PDE6A: variants seen among roughly 807,000 people sequenced by gnomAD.
PDE6A encodes the protein rod cGMP-specific 3',5'-cyclic phosphodiesterase subunit alpha.
Under a neutral mutation model 106.3 loss-of-function variants are expected in PDE6A, and 84 were observed. The observed-to-expected ratio is 0.79, with a 90% CI of 0.66 to 0.95. The LOEUF is 0.95. PDE6A is among the 40% of genes least tolerant of loss of function. The pLI is 0.00. For missense variants in PDE6A, 1,052 were observed against 1,084.9 expected (o/e 0.97, Z 0.43); for synonymous variants, 394 against 386.6 (o/e 1.02, Z -0.23).
intron 6 of PDE6A, 59 bp downstream of exon 6, chr5:149,914,883 GC>G: frequency 9.0e-7 from 1 of 1,106,640 alleles, no homozygotes; most frequent in Non-Finnish European, 1.4e-6. Context: ...CACCGATAAA[GC>G]CAATTGAGAT....
intron 7 of PDE6A, among the ~76,000 whole-genome samples, chr5:149,905,299 A>G (rs1034936696): frequency 6.6e-6 from 1 of 151,872 alleles, no homozygotes; most frequent in East Asian, 1.9e-4. Context: ...CCCTCTCCCT[A>G]AGTGGCTTCC....
At chr5:149,869,486 C>G (rs1760457247) in intron 17 of PDE6A, among the ~76,000 whole-genome samples, 1 of 152,060 alleles carries the variant, frequency 6.6e-6, no homozygotes, top group African/African-American at 2.4e-5. Flanking sequence ...AGGGAGGGGA[C>G]ACGGACAAAG....
At chr5:149,917,899 G>A (rs1040429290) in intron 5 of PDE6A, among the ~76,000 whole-genome samples, 13 of 152,152 alleles carry the variant, frequency 8.5e-5, no homozygotes, top group Non-Finnish European at 1.2e-4. Flanking sequence ...AATCAGGGCC[G>A]GGTATATAGA....
At chr5:149,897,802 G>A (rs915075624) in intron 10 of PDE6A, among the ~76,000 whole-genome samples, 1 of 151,800 alleles carries the variant, frequency 6.6e-6, no homozygotes. Flanking sequence ...GCCCAGGCTG[G>A]TCTCAAACTC....
intron 4 of PDE6A, among the ~76,000 whole-genome samples, chr5:149,925,683 G>T (rs1443850059): frequency 6.8e-6 from 1 of 147,370 alleles, no homozygotes; most frequent in Non-Finnish European, 1.5e-5. Flanking sequence ...ATCCAGCATG[G>T]GTGACAGAAT....
At chr5:149,922,236 A>G (rs573176995) in intron 4 of PDE6A, among the ~76,000 whole-genome samples, 2 of 152,210 alleles carry the variant, frequency 1.3e-5, no homozygotes, top group African/African-American at 4.8e-5. Flanking sequence ...CAAAAAGAAT[A>G]TATCATGTGA....
At chr5:149,937,558 T>C (rs1159267027) in intron 1 of PDE6A, among the ~76,000 whole-genome samples, 1 of 152,128 alleles carries the variant, frequency 6.6e-6, no homozygotes, top group Non-Finnish European at 1.5e-5. Context: ...TTGTATTTTT[T>C]GTAACACTAG....
chr5:149,877,471 G>A (rs1180546169), intron 17 of PDE6A, among the ~76,000 whole-genome samples: 1 of 152,146 alleles, frequency 6.6e-6, no homozygotes, highest in Admixed American at 6.5e-5. Flanking sequence ...GTGCAGCGGT[G>A]CAATCTTAGC....
At position 149,896,290 on chromosome 5, in the gene PDE6A, T is replaced by C. The variant is rs546137232; in HGVS notation, c.1620+66A>G. On this transcript the variant is annotated intron_variant, in intron 12 of 21. Coordinates refer to ENST00000255266, the MANE Select transcript of PDE6A (RefSeq NM_000440.3). ...TTTAAGGTAGTTTACAGATTGAGTCTTTTTTTTAAAGCAAGCAAGAAAGAA... is the reference window on the plus strand; with the variant it reads ...TTTAAGGTAGTTTACAGATTGAGTCCTTTTTTTAAAGCAAGCAAGAAAGAA... 387 of 1,333,012 alleles carry C rather than the reference T, an allele frequency of 2.9e-4. 1 individual carries two copies. In the Middle Eastern group the frequency reaches 8.3e-3, roughly 29 times the overall value. 82.6% of individuals were successfully genotyped at this position (1,333,012 alleles called of 1,614,324 possible). A position where few individuals can be genotyped will look rare whatever the true frequency, so the allele number is the denominator to read the frequency against.
chr5:149,877,211 G>C lies in PDE6A; in HGVS notation c.2135+6218C>G, dbSNP rs563976586. ...GCCCCCCTATAAAACCCCACCCACT[G>C]GCTGGGAATGGGGGTGGGGTTCAGG... On this transcript the variant is annotated intron_variant, in intron 17 of 21. Transcript: ENST00000255266. Among the ~76,000 whole-genome samples the C allele has an allele frequency of 5.9e-5, 9 of 152,188 alleles. 1 individual carries two copies. The South Asian group carries it at 1.9e-3, about 32-fold the overall frequency.
intron 8 of PDE6A, among the ~76,000 whole-genome samples, chr5:149,901,702 G>A (rs1037925073): frequency 4.6e-5 from 7 of 152,206 alleles, no homozygotes; most frequent in African/African-American, 1.7e-4. Context: ...TTCTGCTGTG[G>A]TTGTGGTCAG....
rs768577997 is a variant in PDE6A, at chr5:149,895,221, C to T, written c.1690G>A (p.Gly564Ser). The T allele has an allele frequency of 4.9e-5, 79 of 1,613,984 alleles. No individual in the cohort carries two copies. Among genetic ancestry groups the T allele is most frequent in the Middle Eastern group, 1.6e-4 (1 of 6,084 alleles). The change falls in exon 13 of 22, where the codon GGC (glycine) becomes AGC (serine). Residue 564 changes from glycine to serine, a missense_variant. By Grantham distance (56) the Gly-to-Ser change is moderately conservative (BLOSUM62 0). Transcript: ENST00000255266. ...AACATGGTCTGCCCCACGTTGAAGC[C>T]GTGCCGCCAGTTGTGGTAGGTGATC... is the stretch of plus-strand genomic sequence containing the variant. Reference protein sequence around the residue: ...RKITYHNWRHGFNVGQTMFSL... With the variant: ...RKITYHNWRHSFNVGQTMFSL...
rs10039808 is a variant in PDE6A at position 149,861,078 on chromosome 5, G to T, written c.2507-107C>A. The T allele has an allele frequency of 1.8e-3, 1,678 of 915,632 alleles. 20 individuals are homozygous for T. In the African/African-American group the frequency reaches 0.025, roughly 14 times the overall value. 56.7% of individuals were successfully genotyped at this position (915,632 alleles called of 1,614,324 possible). ...GTTGCAAACTCAAAGGCTTTCAGTGGCCAACAGATAACAACACATGCAGAA... is the reference window on the plus strand; with the variant it reads ...GTTGCAAACTCAAAGGCTTTCAGTGTCCAACAGATAACAACACATGCAGAA... On this transcript the variant is annotated intron_variant, in intron 21 of 21. Coordinates refer to ENST00000255266, the MANE Select transcript of PDE6A (RefSeq NM_000440.3).
intron 6 of PDE6A, among the ~76,000 whole-genome samples, chr5:149,914,321 T>C (rs1366182764): frequency 6.6e-6 from 1 of 152,192 alleles, no homozygotes; most frequent in African/African-American, 2.4e-5. Flanking sequence ...TAACCAACTG[T>C]GGGGTCTCAT....
intron 17 of PDE6A, among the ~76,000 whole-genome samples, chr5:149,870,541 G>T (rs751961826): frequency 3.3e-5 from 5 of 152,114 alleles, no homozygotes; most frequent in Non-Finnish European, 5.9e-5. Context: ...CCCAGTGGTT[G>T]CAGAAACACA....
chr5:149,895,191 G>C lies in PDE6A; in HGVS notation c.1720C>G (p.Leu574Val). The C allele has an allele frequency of 6.2e-7, 1 of 1,612,174 alleles. No individual in the cohort carries two copies. The highest frequency in any genetic ancestry group is 8.5e-7 in the Non-Finnish European group (1 of 1,178,204). ...GFNVGQTMFS[L>V]LVTGKLKRYF... ...CACCGGCCCCGCCATACCACCAGCAGGGAGAACATGGTCTGCCCCACGTTG... is the reference window on the plus strand; with the variant it reads ...CACCGGCCCCGCCATACCACCAGCACGGAGAACATGGTCTGCCCCACGTTG... The change falls in exon 13 of 22, where the codon CTG becomes GTG. Residue 574 changes from leucine to valine, a missense_variant. Coordinates refer to ENST00000255266, the MANE Select transcript of PDE6A (RefSeq NM_000440.3).
At chr5:149,899,024 T>A (rs1752866008) in intron 9 of PDE6A, among the ~76,000 whole-genome samples, 1 of 152,222 alleles carries the variant, frequency 6.6e-6, no homozygotes, top group South Asian at 2.1e-4. Flanking sequence ...CTACCATGCC[T>A]GGCTAATCTT....
rs376831400 is a variant in PDE6A at position 149,896,519 on chromosome 5, G to A, written c.1474-17C>T. 46 of 1,614,078 alleles carry A rather than the reference G, an allele frequency of 2.8e-5. No homozygotes were observed. In the Middle Eastern group the frequency reaches 2.0e-3, roughly 69 times the overall value. ...CTCCGCTTGCTGTATAAGGAATAGA[G>A]TCAGGTGATTAGGAAACATGAAGTG... On this transcript the variant is annotated splice_polypyrimidine_tract_variant and intron_variant, in intron 11 of 21. Coordinates refer to ENST00000255266, the MANE Select transcript of PDE6A (RefSeq NM_000440.3).
intron 5 of PDE6A, among the ~76,000 whole-genome samples, chr5:149,916,350 T>G (rs980949670): frequency 2.1e-4 from 32 of 152,164 alleles, no homozygotes; most frequent in Admixed American, 1.8e-3. Flanking sequence ...GATGGGGAAG[T>G]GGTCAGGAGG....
Sources: allele counts gnomAD v4.1 joint callset (sites outside exome capture counted in the v4.1 genomes callset), GRCh38; gene constraint gnomAD v4.1.1; transcripts MANE v1.5; gene names NCBI Gene and HGNC (gene_info 2026-07-23, HGNC 2026-07-21).